The following BRIP1 variants were observed in gnomAD, a reference collection of about 807,000 sequenced individuals.
The protein encoded by BRIP1 is Fanconi anemia group J protein.
A neutral mutation model predicts 119.7 loss-of-function variants in BRIP1; 88 were observed. The ratio of observed to expected loss-of-function variants is 0.74; its 90% CI spans 0.62 to 0.88. The LOEUF is 0.88. Ranked by LOEUF, BRIP1 falls within the 40% of genes least tolerant of loss-of-function variation. BRIP1 has a pLI of 0.00. For missense variants in BRIP1, 1,259 were observed against 1,455.4 expected, an observed-to-expected ratio of 0.87 and a Z score of 2.20; for synonymous variants, 443 against 496.5, an observed-to-expected ratio of 0.89 and a Z score of 1.43.
rs944903673 is a variant in BRIP1 at position 61,757,921 on chromosome 17, A to T, written c.2098-13330T>A. Among the ~76,000 whole-genome samples the T allele has an allele frequency of 1.3e-5, 2 of 151,968 alleles. No individual in the cohort carries two copies. Among genetic ancestry groups the T allele is most frequent in the Non-Finnish European group, 2.9e-5 (2 of 67,976 alleles). On this transcript the variant is annotated intron_variant, in intron 14 of 19. Transcript: ENST00000259008. The surrounding 1 kb of genome is among the most constrained non-coding windows in gnomAD (Gnocchi z 4.3). ...AGTGGGAGGATCACCTGAGCCAGGG[A>T]GGTAAAGACTACAGTGAGCCAGTGA...
rs1433473566 is a variant in BRIP1 at position 61,814,521 on chromosome 17, G to C, written c.628-5764C>G. On this transcript the variant is annotated intron_variant, in intron 6 of 19. Coordinates refer to ENST00000259008, the MANE Select transcript of BRIP1 (RefSeq NM_032043.3). This position sits in a 1 kb window ranked among gnomAD's most constrained non-coding sequence, Gnocchi z 4.9. ...TGCCATCTAATGTACAGCTTCACTA[G>C]TAATTAGGAAAATGCAAATTAAAAC... Among the ~76,000 whole-genome samples the C allele has an allele frequency of 6.6e-6, 1 of 152,044 alleles. No homozygotes were observed. Among genetic ancestry groups the C allele is most frequent in the Non-Finnish European group, 1.5e-5 (1 of 67,926 alleles).
In BRIP1 at chr17:61,859,832, G is replaced by C. The variant is rs2145850612; in HGVS notation, c.169C>G (p.Leu57Val). The C allele has an allele frequency of 6.2e-7, 1 of 1,613,868 alleles. No individual in the cohort carries two copies. Among genetic ancestry groups the C allele is most frequent in the South Asian group, 1.1e-5 (1 of 91,078 alleles). Reference sequence around the variant, plus strand: ...TGTTGCCATGCTAAAGCAGAACAAAGTAAGGCTAAGCTTTTTCCACTTCCT... The same window carrying C: ...TGTTGCCATGCTAAAGCAGAACAAACTAAGGCTAAGCTTTTTCCACTTCCT... The part of the protein sequence containing the change: ...PTGSGKSLAL[L>V]CSALAWQQSL... Residue 57 changes from leucine (L) to valine (V), a missense_variant, in exon 3 of 20, where the codon CTT becomes GTT. Physicochemically the swap from Leu to Val is conservative, Grantham distance 32. Transcript: ENST00000259008.
rs907529045 is a variant in BRIP1 at position 61,768,655 on chromosome 17, C to G, written c.2097+7746G>C. Among the ~76,000 whole-genome samples, 1 of 151,998 alleles carries G rather than the reference C, an allele frequency of 6.6e-6. No homozygotes were observed. Among genetic ancestry groups the G allele is most frequent in the East Asian group, 1.9e-4 (1 of 5,198 alleles). ...CTTTTTCTTACCCTGATAAATTAAC[C>G]CCTGTGATAAAAAGTTTATGATAGC... On this transcript the variant is annotated intron_variant, in intron 14 of 19. Coordinates refer to ENST00000259008, the MANE Select transcript of BRIP1 (RefSeq NM_032043.3). The surrounding 1 kb of genome is among the most constrained non-coding windows in gnomAD (Gnocchi z 5.0).
chr17:61,801,148 A>T, intron 8 of BRIP1, 105 bp downstream of exon 8: 2 of 968,518 alleles, frequency 2.1e-6, no homozygotes, highest in Non-Finnish European at 3.1e-6. Context: ...AAATTTATTT[A>T]CATAAATTAA....
chr17:61,740,467 T>C lies in BRIP1; in HGVS notation c.2379+2546A>G, dbSNP rs2076971725. On this transcript the variant is annotated intron_variant, in intron 16 of 19. Coordinates refer to ENST00000259008, the MANE Select transcript of BRIP1 (RefSeq NM_032043.3). The surrounding 1 kb of genome is among the most constrained non-coding windows in gnomAD (Gnocchi z 5.4). ...AATAACTCCTGTTGACCAAAGACAG[T>C]ATAAGTTGAAAATAAAATAAAATCT... 6.6e-6 allele frequency among the ~76,000 whole-genome samples: 1 copy of C among 152,122 alleles called. No homozygotes were observed. The highest frequency in any genetic ancestry group is 2.4e-5 in the African/African-American group (1 of 41,420).
intron 14 of BRIP1, among the ~76,000 whole-genome samples, chr17:61,763,360 T>C (rs370717262): frequency 6.6e-6 from 1 of 152,134 alleles, no homozygotes; most frequent in African/African-American, 2.4e-5. Flanking sequence ...CTGTCTATAC[T>C]GTCCACTCAA....
chr17:61,742,961 T>C lies in BRIP1; in HGVS notation c.2379+52A>G, dbSNP rs1405516683. Reference sequence around the variant, plus strand: ...TGAGGGATCCCTGCAATTAACTTTATACAAAACCAATGACTCCTGTAATAA... The same window carrying C: ...TGAGGGATCCCTGCAATTAACTTTACACAAAACCAATGACTCCTGTAATAA... On this transcript the variant is annotated intron_variant, in intron 16 of 19. Transcript: ENST00000259008. This position sits in a 1 kb window ranked among gnomAD's most constrained non-coding sequence, Gnocchi z 4.7. The C allele has an allele frequency of 3.7e-6, 6 of 1,604,084 alleles. No individual in the cohort carries two copies. The African/African-American group carries it at 4.0e-5, about 11-fold the overall frequency.
At position 61,767,483 on chromosome 17, in the gene BRIP1, C is replaced by G. The variant is rs142295484; in HGVS notation, c.2097+8918G>C. ...AAACACTGGGTCTCTCTATGTTACC[C>G]AGGCTGGTCTTGAACATCTGGCCTC... On this transcript the variant is annotated intron_variant, in intron 14 of 19. Coordinates refer to ENST00000259008, the MANE Select transcript of BRIP1 (RefSeq NM_032043.3). The surrounding 1 kb of genome is among the most constrained non-coding windows in gnomAD (Gnocchi z 5.7). Among the ~76,000 whole-genome samples, 2 of 152,170 alleles carry G rather than the reference C, an allele frequency of 1.3e-5. No homozygotes were observed. The highest frequency in any genetic ancestry group is 1.9e-4 in the East Asian group (1 of 5,172).
In BRIP1 at chr17:61,862,729, T is replaced by C. The variant is rs775998436; in HGVS notation, c.-31+555A>G. ...AATTATTTGCAGTCGTGGGAAAAAA[T>C]TGTAAATTCAACCTGGGGACGAAGA... On this transcript the variant is annotated intron_variant, in intron 1 of 19. Coordinates refer to ENST00000259008, the MANE Select transcript of BRIP1 (RefSeq NM_032043.3). This position sits in a 1 kb window ranked among gnomAD's most constrained non-coding sequence, Gnocchi z 5.3. 2.6e-5 allele frequency among the ~76,000 whole-genome samples: 4 copies of C among 152,108 alleles called. No individual in the cohort carries two copies. The highest frequency in any genetic ancestry group is 9.7e-5 in the African/African-American group (4 of 41,408).
Position 61,684,123 on chromosome 17 carries a change from C to T in BRIP1, c.2923G>A (p.Glu975Lys), listed in dbSNP as rs1603275707. The change falls in exon 20 of 20, where the codon GAA (glutamate) becomes AAA (lysine). Residue 975 changes from glutamate to lysine, a missense_variant. Transcript: ENST00000259008. This position sits in a 1 kb window ranked among gnomAD's most constrained non-coding sequence, Gnocchi z 4.5. ...RKEKNDPVFL[E>K]EAGKAEKIVI... ...ATTTTTTCTGCTTTCCCTGCTTCTTCCAGGAATACTGGATCATCTAAGAAT... is the reference window on the plus strand; with the variant it reads ...ATTTTTTCTGCTTTCCCTGCTTCTTTCAGGAATACTGGATCATCTAAGAAT... 2 of 1,613,612 alleles carry T rather than the reference C, an allele frequency of 1.2e-6. No individual in the cohort carries two copies. Among genetic ancestry groups the T allele is most frequent in the South Asian group, 2.2e-5 (2 of 90,910 alleles).
intron 14 of BRIP1, among the ~76,000 whole-genome samples, chr17:61,772,759 A>G (rs957751540): frequency 1.4e-5 from 2 of 144,784 alleles, no homozygotes; most frequent in Non-Finnish European, 3.0e-5. Context: ...CAGAGGTTGC[A>G]GTGAGCCAAG....
At position 61,757,953 on chromosome 17, in the gene BRIP1, C is replaced by T. The variant is rs1347074479; in HGVS notation, c.2098-13362G>A. ...GACTACAGTGAGCCAGTGATTGTAC[C>T]ACCACATTCTAGCCTGGGCAACAGA... On this transcript the variant is annotated intron_variant, in intron 14 of 19. Transcript: ENST00000259008. This position sits in a 1 kb window ranked among gnomAD's most constrained non-coding sequence, Gnocchi z 4.3. Among the ~76,000 whole-genome samples, 2 of 150,870 alleles carry T rather than the reference C, an allele frequency of 1.3e-5. No homozygotes were observed. The highest frequency in any genetic ancestry group is 2.9e-5 in the Non-Finnish European group (2 of 67,804).
rs1325887001 is a variant in BRIP1, at chr17:61,720,448, G to T, written c.2380-4385C>A. Among the ~76,000 whole-genome samples, 1 of 152,194 alleles carries T rather than the reference G, an allele frequency of 6.6e-6. No individual in the cohort carries two copies. Among genetic ancestry groups the T allele is most frequent in the Non-Finnish European group, 1.5e-5 (1 of 68,026 alleles). ...TCTTGGAAACATTTTAGGCTTTCAA[G>T]ATATATTAACAAAACTTATACAGCA... On this transcript the variant is annotated intron_variant, in intron 16 of 19. Transcript: ENST00000259008. The surrounding 1 kb of genome is among the most constrained non-coding windows in gnomAD (Gnocchi z 4.3).
chr17:61,842,070 T>G lies in BRIP1; in HGVS notation c.627+5031A>C, dbSNP rs1439170667. ...TCAACAGATGAATGGATAAAGAAAA[T>G]GTGACACATATACACAATGGAATAT... On this transcript the variant is annotated intron_variant, in intron 6 of 19. Transcript: ENST00000259008. This position sits in a 1 kb window ranked among gnomAD's most constrained non-coding sequence, Gnocchi z 5.1. Among the ~76,000 whole-genome samples, 1 of 152,022 alleles carries G rather than the reference T, an allele frequency of 6.6e-6. No homozygotes were observed. Among genetic ancestry groups the G allele is most frequent in the East Asian group, 1.9e-4 (1 of 5,190 alleles).
At position 61,748,545 on chromosome 17, in the gene BRIP1, C is replaced by T. The variant is rs2077088728; in HGVS notation, c.2098-3954G>A. On this transcript the variant is annotated intron_variant, in intron 14 of 19. Coordinates refer to ENST00000259008, the MANE Select transcript of BRIP1 (RefSeq NM_032043.3). This position sits in a 1 kb window ranked among gnomAD's most constrained non-coding sequence, Gnocchi z 4.7. ...TGAGAAAGAACAACAAAGCTAGAGG[C>T]ATCGTGCTTCATGACACTTACATCT... 6.6e-6 allele frequency among the ~76,000 whole-genome samples: 1 copy of T among 152,186 alleles called. No homozygotes were observed. Among genetic ancestry groups the T allele is most frequent in the South Asian group, 2.1e-4 (1 of 4,828 alleles).
At chr17:61,784,249 A>C (rs1161251715) in intron 11 of BRIP1, 21 bp downstream of exon 11, 1 of 1,602,886 alleles carries the variant, frequency 6.2e-7, no homozygotes, top group Non-Finnish European at 8.5e-7. Flanking sequence ...AGGAAAATAC[A>C]TACTAGTTAT....
Position 61,760,522 on chromosome 17 carries a change from A to G in BRIP1, c.2097+15879T>C, listed in dbSNP as rs1301253451. On this transcript the variant is annotated intron_variant, in intron 14 of 19. Coordinates refer to ENST00000259008, the MANE Select transcript of BRIP1 (RefSeq NM_032043.3). This position sits in a 1 kb window ranked among gnomAD's most constrained non-coding sequence, Gnocchi z 4.6. The stretch of plus-strand genomic sequence containing the variant: ...GAATTGGTTTTTGAAAAGATAAATG[A>G]AATCAACAAACCTTTAGCTAGATTA... Among the ~76,000 whole-genome samples, 1 of 152,014 alleles carries G rather than the reference A, an allele frequency of 6.6e-6. No homozygotes were observed. Among genetic ancestry groups the G allele is most frequent in the Non-Finnish European group, 1.5e-5 (1 of 67,908 alleles).
Position 61,769,632 on chromosome 17 carries a change from T to C in BRIP1, c.2097+6769A>G, listed in dbSNP as rs2077419389. 1.3e-5 allele frequency among the ~76,000 whole-genome samples: 2 copies of C among 152,164 alleles called. No homozygotes were observed. The highest frequency in any genetic ancestry group is 4.1e-4 in the South Asian group (2 of 4,830). ...ATTTCAGCTCCAATATGTAAAGAAC[T>C]GGAAGTCATCACACCTGTTTTACAA... On this transcript the variant is annotated intron_variant, in intron 14 of 19. Coordinates refer to ENST00000259008, the MANE Select transcript of BRIP1 (RefSeq NM_032043.3). This position sits in a 1 kb window ranked among gnomAD's most constrained non-coding sequence, Gnocchi z 4.9.
rs192859867 is a variant in BRIP1, at chr17:61,707,002, T to C, written c.2492+8949A>G. ...CCTCTATTCTGGATTGGAACCCTAG[T>C]TCCCTGCATCCTTGATATTCCTTTT... On this transcript the variant is annotated intron_variant, in intron 17 of 19. Coordinates refer to ENST00000259008, the MANE Select transcript of BRIP1 (RefSeq NM_032043.3). 8.3e-4 allele frequency among the ~76,000 whole-genome samples: 126 copies of C among 151,914 alleles called. 1 individual carries two copies. Among genetic ancestry groups the C allele is most frequent in the African/African-American group, 2.8e-3 (115 of 41,514 alleles).
Sources: allele counts gnomAD v4.1 joint callset (sites outside exome capture counted in the v4.1 genomes callset), GRCh38; gene constraint gnomAD v4.1.1; non-coding constraint Gnocchi (gnomAD v3.1); transcripts MANE v1.5; gene names NCBI Gene and HGNC (gene_info 2026-07-23, HGNC 2026-07-21).